MXI1: variants seen among roughly 807,000 people sequenced by gnomAD.
The protein encoded by MXI1 is max-interacting protein 1.
Under a neutral mutation model 36.9 loss-of-function variants are expected in MXI1, and 18 were observed. The ratio of observed to expected loss-of-function variants is 0.49; its 90% CI spans 0.34 to 0.72. MXI1 has a LOEUF of 0.72. Ranked by LOEUF, MXI1 falls within the 30% of genes least tolerant of loss-of-function variation. The pLI, the probability that MXI1 is intolerant of heterozygous loss-of-function variation, is 0.01. For missense variants in MXI1, 304 were observed against 379.1 expected, an observed-to-expected ratio of 0.80 and a Z score of 1.64; for synonymous variants, 160 against 146.7, an observed-to-expected ratio of 1.09 and a Z score of -0.65.
In MXI1 at chr10:110,285,661, ATT is replaced by A. The variant is rs1162972821; in HGVS notation, c.*675_*676del. The stretch of plus-strand genomic sequence containing the variant: ...GCTAAGCAAGCTAACCTTATCCTGC[ATT>A]GTTAGCACTAGGCACCCAGCTGCCA... On this transcript the variant is annotated 3_prime_UTR_variant, in exon 6 of 6. Coordinates refer to ENST00000332674, the MANE Select transcript of MXI1 (RefSeq NM_130439.3). The A allele has an allele frequency of 2.0e-5, 3 of 152,404 alleles. No homozygotes were observed. Among genetic ancestry groups the A allele is most frequent in the African/African-American group, 4.8e-5 (2 of 41,554 alleles). 9.4% of individuals were successfully genotyped at this position (152,404 alleles called of 1,614,324 possible).
intron 1 of MXI1, chr10:110,227,696 C>A: frequency 3.2e-6 from 1 of 311,238 alleles, no homozygotes; most frequent in Non-Finnish European, 4.8e-6. Flanking sequence ...GCGGTGGCAG[C>A]CCAAGGGGCT....
intron 1 of MXI1, among the ~76,000 whole-genome samples, chr10:110,220,665 C>A (rs895879525): frequency 4.6e-5 from 7 of 152,228 alleles, no homozygotes; most frequent in Non-Finnish European, 8.8e-5. Flanking sequence ...ATCCTCTTAG[C>A]AGCAGGAGAA....
chr10:110,255,482 A>G (rs138235433), intron 3 of MXI1, among the ~76,000 whole-genome samples: 6 of 152,158 alleles, frequency 3.9e-5, no homozygotes, highest in African/African-American at 1.4e-4. Flanking sequence ...TCAGAAATAC[A>G]TTTCATAAGG....
At chr10:110,246,667 G>A (rs1855874938) in intron 3 of MXI1, among the ~76,000 whole-genome samples, 1 of 152,148 alleles carries the variant, frequency 6.6e-6, no homozygotes, top group Admixed American at 6.6e-5. Flanking sequence ...TATCCTCAGT[G>A]CCTAGCATTT....
chr10:110,251,769 A>G (rs1856099710), intron 3 of MXI1, among the ~76,000 whole-genome samples: 1 of 152,162 alleles, frequency 6.6e-6, no homozygotes, highest in East Asian at 1.9e-4. Context: ...GAATAAGGAA[A>G]GGAGTCAGTG....
At chr10:110,273,717 G>A (rs1029153886) in intron 3 of MXI1, among the ~76,000 whole-genome samples, 11 of 152,182 alleles carry the variant, frequency 7.2e-5, no homozygotes, top group African/African-American at 2.4e-4. Context: ...TCAGCAGAGC[G>A]GAAAATATAA....
chr10:110,247,230 G>T (rs889492270), intron 3 of MXI1, among the ~76,000 whole-genome samples: 1 of 152,106 alleles, frequency 6.6e-6, no homozygotes, highest in African/African-American at 2.4e-5. Flanking sequence ...TTTTGATGGG[G>T]TTGTTTGTTT....
chr10:110,251,225 T>G (rs1198301985), intron 3 of MXI1, among the ~76,000 whole-genome samples: 2 of 151,960 alleles, frequency 1.3e-5, no homozygotes, highest in African/African-American at 4.8e-5. Context: ...CTGGCCATTT[T>G]ATCATCATAG....
chr10:110,263,363 C>T (rs1856581370), intron 3 of MXI1, among the ~76,000 whole-genome samples: 1 of 152,142 alleles, frequency 6.6e-6, no homozygotes, highest in Admixed American at 6.5e-5. Context: ...ATAGAATATT[C>T]TAGGTAATAT....
intron 3 of MXI1, among the ~76,000 whole-genome samples, chr10:110,252,219 G>A (rs1055979322): frequency 2.6e-5 from 4 of 152,110 alleles, no homozygotes; most frequent in Non-Finnish European, 2.9e-5. Flanking sequence ...TCACATAGCT[G>A]CAAAAGTTAT....
At chr10:110,276,838 C>CT (rs1376044069) in intron 3 of MXI1, among the ~76,000 whole-genome samples, 29 of 147,924 alleles carry the variant, frequency 2.0e-4, no homozygotes, top group African/African-American at 6.9e-4. Context: ...TCTTTCTTTT[C>CT]TTTTCTTTTT....
chr10:110,255,396 T>G (rs888571505), intron 3 of MXI1, among the ~76,000 whole-genome samples: 4 of 152,230 alleles, frequency 2.6e-5, no homozygotes, highest in African/African-American at 9.6e-5. Context: ...AATGTTATTT[T>G]CATGTATGCT....
chr10:110,222,069 G>A (rs907807753), intron 1 of MXI1, among the ~76,000 whole-genome samples: 9 of 152,194 alleles, frequency 5.9e-5, no homozygotes, highest in South Asian at 4.1e-4. Context: ...TGACTCACTG[G>A]GCGAGGGAAA....
In MXI1 at chr10:110,207,892, C is replaced by T. The variant is rs760423134; in HGVS notation, c.84C>T (p.Pro28=). 2.9e-6 allele frequency: 4 copies of T among 1,368,514 alleles called. No homozygotes were observed. Among genetic ancestry groups the T allele is most frequent in the Non-Finnish European group, 3.8e-6 (4 of 1,052,438 alleles). 84.8% of individuals were successfully genotyped at this position (1,368,514 alleles called of 1,614,324 possible). A position where few individuals can be genotyped will look rare whatever the true frequency, so the allele number is the denominator to read the frequency against. Residue 28 remains proline (P), a synonymous_variant, in exon 1 of 6, where the codon CCC becomes CCT. Coordinates refer to ENST00000332674, the MANE Select transcript of MXI1 (RefSeq NM_130439.3). ...LAPAAPPAVP[P]AVAAPQPPAL... ...CCGCCGCGCCCCCGGCTGTGCCCCC[C>T]GCCGTGGCCGCGCCCCAGCCCCCGG...
intron 2 of MXI1, among the ~76,000 whole-genome samples, chr10:110,239,812 C>T (rs184582759): frequency 1.6e-3 from 236 of 152,130 alleles, no homozygotes; most frequent in African/African-American, 5.5e-3. Context: ...ACAAAAAAAG[C>T]ATACAAATCC....
At position 110,251,010 on chromosome 10, in the gene MXI1, TAAAAAAA is replaced by T. The variant is rs60315131; in HGVS notation, c.437+6173_437+6179del. Among the ~76,000 whole-genome samples the T allele has an allele frequency of 7.5e-3, 413 of 54,994 alleles. 18 individuals carry two copies. Among genetic ancestry groups the T allele is most frequent in the African/African-American group, 0.038 (385 of 10,054 alleles). The allele number at this position is 54,994 out of a possible 152,430, so 36.1% of individuals were successfully genotyped here. A position where few individuals can be genotyped will look rare whatever the true frequency, so the allele number is the denominator to read the frequency against. On this transcript the variant is annotated intron_variant, in intron 3 of 5. Coordinates refer to ENST00000332674, the MANE Select transcript of MXI1 (RefSeq NM_130439.3). ...CAAGGAGAAGTGACTAAGTATTTGT[TAAAAAAA>T]AAAAAAAAAAAAAAAAAAAGAGAAG...
At chr10:110,283,779 A>T (rs1042155612) in intron 5 of MXI1, among the ~76,000 whole-genome samples, 2 of 147,270 alleles carry the variant, frequency 1.4e-5, no homozygotes, top group Non-Finnish European at 3.0e-5. Context: ...AACAATTAAG[A>T]TTTTTTTTTT....
intron 2 of MXI1, among the ~76,000 whole-genome samples, chr10:110,237,696 A>G (rs561256986): frequency 3.3e-5 from 5 of 152,316 alleles, no homozygotes; most frequent in South Asian, 2.1e-4. Context: ...CATCTGACCA[A>G]CTGGCTGCAA....
chr10:110,215,198 C>A (rs545433003), intron 1 of MXI1, among the ~76,000 whole-genome samples: 1 of 152,008 alleles, frequency 6.6e-6, no homozygotes, highest in African/African-American at 2.4e-5. Flanking sequence ...GTTGCCACCA[C>A]GCCTGGCTAA....
Sources: gnomAD v4.1 joint callset for allele counts (sites outside exome capture counted in the v4.1 genomes callset) on GRCh38, gnomAD v4.1.1 for gene constraint, MANE v1.5 for transcripts, NCBI Gene and HGNC (gene_info 2026-07-23, HGNC 2026-07-21) for gene names.